TMTC1: variants seen among roughly 807,000 people sequenced by gnomAD.
The protein encoded by TMTC1 is transmembrane O-mannosyltransferase targeting cadherins 1.
TMTC1 carries 73 observed loss-of-function variants against 104.8 expected under a neutral mutation model. The observed-to-expected ratio is 0.70, with a 90% CI of 0.58 to 0.85. The LOEUF (loss-of-function observed/expected upper bound fraction) is 0.85. Among genes scored for constraint, TMTC1 ranks in the 40% least tolerant of loss-of-function variants. The pLI is 0.00. For synonymous variants in TMTC1, 434 were observed against 428.7 expected, an observed-to-expected ratio of 1.01 and a Z score of -0.15; for missense variants, 1,035 against 1,096.1, an observed-to-expected ratio of 0.94 and a Z score of 0.79.
intron 6 of TMTC1, among the ~76,000 whole-genome samples, chr12:29,605,903 G>A (rs1463092813): frequency 3.9e-5 from 6 of 151,914 alleles, no homozygotes; most frequent in Non-Finnish European, 7.4e-5. Context: ...TATTGTTCCC[G>A]TCTTTACGTC....
At chr12:29,763,336 G>T (rs1943394754) in intron 2 of TMTC1, among the ~76,000 whole-genome samples, 2 of 152,174 alleles carry the variant, frequency 1.3e-5, no homozygotes, top group South Asian at 4.1e-4. Context: ...TACCCCTGTT[G>T]AACTGAGGTA....
intron 7 of TMTC1, among the ~76,000 whole-genome samples, chr12:29,588,413 A>G (rs1380488811): frequency 1.3e-5 from 2 of 152,200 alleles, no homozygotes; most frequent in Non-Finnish European, 2.9e-5. Flanking sequence ...CAAGTTCATA[A>G]GCCTGCTTTG....
intron 5 of TMTC1, among the ~76,000 whole-genome samples, chr12:29,712,754 G>GT (rs1242823764): frequency 6.6e-6 from 1 of 152,176 alleles, no homozygotes; most frequent in African/African-American, 2.4e-5. Flanking sequence ...AAAGTGAGGA[G>GT]TATCTTAACA....
intron 7 of TMTC1, among the ~76,000 whole-genome samples, chr12:29,587,013 C>T (rs1372316810): frequency 6.6e-6 from 1 of 152,082 alleles, no homozygotes; most frequent in Non-Finnish European, 1.5e-5. Flanking sequence ...AGGAATGGTA[C>T]CAGCTCCTCC....
chr12:29,654,805 T>C (rs1280198945), intron 5 of TMTC1, among the ~76,000 whole-genome samples: 1 of 152,174 alleles, frequency 6.6e-6, no homozygotes, highest in Non-Finnish European at 1.5e-5. Context: ...TGACATATGC[T>C]ACAACATGGA....
intron 5 of TMTC1, among the ~76,000 whole-genome samples, chr12:29,693,247 A>G (rs1341432988): frequency 6.9e-6 from 1 of 144,994 alleles, no homozygotes; most frequent in African/African-American, 2.5e-5. Context: ...AAATTGACAC[A>G]TAATAATTAT....
chr12:29,629,041 C>T (rs995478478), intron 6 of TMTC1, among the ~76,000 whole-genome samples: 3 of 151,366 alleles, frequency 2.0e-5, no homozygotes, highest in Non-Finnish European at 4.4e-5. Flanking sequence ...TATGATGGGC[C>T]GGGCACGGTG....
rs747969972 is a variant in TMTC1 at position 29,572,205 on chromosome 12, T to C, written c.1432A>G (p.Thr478Ala). The C allele has an allele frequency of 2.5e-6, 4 of 1,613,434 alleles. No homozygotes were observed. The highest frequency in any genetic ancestry group is 4.5e-5 in the East Asian group (2 of 44,868). The change falls in exon 9 of 18, where the codon ACT (threonine) becomes GCT (alanine). Residue 478 changes from threonine (T) to alanine (A), a missense_variant. Physicochemically the swap from Thr to Ala is moderately conservative, Grantham distance 58. Transcript: ENST00000539277. Reference sequence around the variant, plus strand: ...TGAACCTTGGCATTGTGGGGCAGAGTTTGAACTCCAGACCTAAAATGAATA... The same window carrying C: ...TGAACCTTGGCATTGTGGGGCAGAGCTTGAACTCCAGACCTAAAATGAATA... ...RESLFRSGVQ[T>A]LPHNAKVHYN...
chr12:29,564,335 A>T (rs914073170), intron 9 of TMTC1, among the ~76,000 whole-genome samples: 1 of 152,172 alleles, frequency 6.6e-6, no homozygotes, highest in Non-Finnish European at 1.5e-5. Flanking sequence ...TTGGGACTGA[A>T]GGAACCCCTT....
chr12:29,532,683 G>T (rs907382482), intron 11 of TMTC1: 1 of 151,928 alleles, frequency 6.6e-6, no homozygotes, highest in African/African-American at 2.4e-5. Flanking sequence ...GATAATATTT[G>T]TTGTCTCCAG....
At chr12:29,513,374 A>G (rs530542799) in intron 16 of TMTC1, among the ~76,000 whole-genome samples, 4 of 152,130 alleles carry the variant, frequency 2.6e-5, no homozygotes, top group African/African-American at 4.8e-5. Flanking sequence ...TTAAGTTATT[A>G]ATAATGTTCA....
chr12:29,585,199 A>G (rs1045651627), intron 7 of TMTC1, among the ~76,000 whole-genome samples: 1 of 152,058 alleles, frequency 6.6e-6, no homozygotes, highest in Non-Finnish European at 1.5e-5. Flanking sequence ...AGTGATGATG[A>G]GCATTTTTTC....
intron 2 of TMTC1, among the ~76,000 whole-genome samples, chr12:29,760,335 G>C (rs1943315662): frequency 6.6e-6 from 1 of 152,178 alleles, no homozygotes; most frequent in Non-Finnish European, 1.5e-5. Flanking sequence ...GCCAGTTAAT[G>C]AATGTGGAGG....
rs1946715406 is a variant in TMTC1, at chr12:29,606,937, T to C, written c.1129-2638A>G. ...AGGTTGGGAGGTGCCTTCATCTCAG[T>C]GGTGGGTGTCAGTTGGGAGCACAGC... On this transcript the variant is annotated intron_variant, in intron 6 of 17. Transcript: ENST00000539277. Among the ~76,000 whole-genome samples the C allele has an allele frequency of 2.0e-5, 3 of 151,438 alleles. No individual in the cohort carries two copies. In the South Asian group the frequency reaches 6.3e-4, roughly 32 times the overall value.
intron 10 of TMTC1, among the ~76,000 whole-genome samples, chr12:29,544,632 A>G (rs1029398656): frequency 2.0e-5 from 3 of 152,198 alleles, no homozygotes; most frequent in Admixed American, 6.5e-5. Flanking sequence ...GGTTCTGCGC[A>G]TGGGGGCGGG....
intron 1 of TMTC1, among the ~76,000 whole-genome samples, chr12:29,782,155 C>G (rs978525423): frequency 6.6e-6 from 1 of 152,210 alleles, no homozygotes; most frequent in East Asian, 1.9e-4. Flanking sequence ...AACTGAATAG[C>G]GAGGTTAGCC....
chr12:29,716,679 G>C (rs1942091011), intron 5 of TMTC1, among the ~76,000 whole-genome samples: 1 of 151,902 alleles, frequency 6.6e-6, no homozygotes, highest in African/African-American at 2.4e-5. Flanking sequence ...CAAGCCAAAT[G>C]GAATAAAAAC....
intron 5 of TMTC1, among the ~76,000 whole-genome samples, chr12:29,676,291 T>C (rs1940722538): frequency 6.6e-6 from 1 of 152,214 alleles, no homozygotes; most frequent in Non-Finnish European, 1.5e-5. Context: ...AACTTTCTTT[T>C]ACTACCTTTT....
intron 5 of TMTC1, among the ~76,000 whole-genome samples, chr12:29,685,210 T>C (rs1169842703): frequency 1.3e-5 from 2 of 152,112 alleles, no homozygotes; most frequent in East Asian, 3.9e-4. Flanking sequence ...AGCTATATTA[T>C]TGCCACAAAG....
Sources: gnomAD v4.1 joint callset for allele counts (sites outside exome capture counted in the v4.1 genomes callset) on GRCh38, gnomAD v4.1.1 for gene constraint, MANE v1.5 for transcripts, NCBI Gene and HGNC (gene_info 2026-07-23, HGNC 2026-07-21) for gene names.